The following WDR7 variants were observed in gnomAD, a reference collection of about 807,000 sequenced individuals.
The protein encoded by WDR7 is WD repeat-containing protein 7.
A neutral mutation model predicts 169.4 loss-of-function variants in WDR7; 46 were observed. The ratio of observed to expected loss-of-function variants is 0.27; its 90% CI spans 0.21 to 0.35. The LOEUF (loss-of-function observed/expected upper bound fraction) is 0.35, where lower values mean the gene tolerates loss of function less well. WDR7 is among the 10% of genes least tolerant of loss of function. The pLI is 1.00. For synonymous variants in WDR7, 612 were observed against 666.8 expected, an observed-to-expected ratio of 0.92 and a Z score of 1.27; for missense variants, 1,534 against 1,859.3, an observed-to-expected ratio of 0.83 and a Z score of 3.22.
chr18:56,772,046 G>C (rs544154656), intron 16 of WDR7, among the ~76,000 whole-genome samples: 2 of 99,826 alleles, frequency 2.0e-5, no homozygotes, highest in East Asian at 6.8e-4. Flanking sequence ...GGGTGACAGA[G>C]CAAGACCCTG....
At chr18:56,860,389 T>A (rs2045786008) in intron 20 of WDR7, among the ~76,000 whole-genome samples, 1 of 152,120 alleles carries the variant, frequency 6.6e-6, no homozygotes, top group Non-Finnish European at 1.5e-5. Context: ...AGCAAAATGG[T>A]TCAGTTTTAC....
Position 56,880,063 on chromosome 18 carries a change from G to C in WDR7, c.3424G>C (p.Glu1142Gln). Residue 1142 changes from glutamate to glutamine, a missense_variant, in exon 21 of 28, where the codon GAA (glutamate) becomes CAA (glutamine). Physicochemically the swap from Glu to Gln is conservative, Grantham distance 29. Transcript: ENST00000254442. ...AGGAGCTGAATTTGGTGCTGAAATT[G>C]AACCTCCTAAACTATTGACCAGACC... Reference protein sequence around the residue: ...VIGAEFGAEIEPPKLLTRPRS... With the variant: ...VIGAEFGAEIQPPKLLTRPRS... 1 of 1,614,080 alleles carries C rather than the reference G, an allele frequency of 6.2e-7. No homozygotes were observed.
At chr18:57,011,596 G>A (rs1309716206) in intron 26 of WDR7, among the ~76,000 whole-genome samples, 1 of 152,176 alleles carries the variant, frequency 6.6e-6, no homozygotes, top group Non-Finnish European at 1.5e-5. Context: ...AAAACAGGTT[G>A]ACTTTATAAC....
At chr18:56,989,033 T>C (rs2145851830) in intron 26 of WDR7, among the ~76,000 whole-genome samples, 1 of 151,882 alleles carries the variant, frequency 6.6e-6, no homozygotes, top group East Asian at 1.9e-4. Context: ...GAGAAAAAGA[T>C]GCCACCTTTT....
At chr18:56,985,858 T>G (rs568472534) in intron 26 of WDR7, among the ~76,000 whole-genome samples, 3 of 152,154 alleles carry the variant, frequency 2.0e-5, no homozygotes, top group Non-Finnish European at 2.9e-5. Context: ...GAATAAAATG[T>G]ACATGTTTCT....
chr18:56,779,371 T>C, intron 17 of WDR7, 60 bp from the exon 18 acceptor site: 1 of 1,349,864 alleles, frequency 7.4e-7, no homozygotes, highest in South Asian at 1.4e-5. Context: ...CATAAAGAAC[T>C]GTTGACTTAG....
intron 19 of WDR7, among the ~76,000 whole-genome samples, chr18:56,799,400 G>T (rs1402340330): frequency 6.7e-6 from 1 of 149,634 alleles, no homozygotes; most frequent in Admixed American, 6.6e-5. Flanking sequence ...CATATTTGTG[G>T]CTTTTATATC....
intron 21 of WDR7, among the ~76,000 whole-genome samples, chr18:56,920,503 T>C (rs1283911793): frequency 6.6e-6 from 1 of 152,198 alleles, no homozygotes; most frequent in African/African-American, 2.4e-5. Context: ...AGGTATTACA[T>C]GAATCTTTGA....
intron 26 of WDR7, among the ~76,000 whole-genome samples, chr18:57,006,254 A>G (rs1224503552): frequency 6.6e-6 from 1 of 152,172 alleles, no homozygotes; most frequent in Non-Finnish European, 1.5e-5. Context: ...CTGTGTTATA[A>G]ACAGAGAGCA....
chr18:56,880,767 A>G (rs1054766462), intron 21 of WDR7, among the ~76,000 whole-genome samples: 1 of 152,216 alleles, frequency 6.6e-6, no homozygotes, highest in Non-Finnish European at 1.5e-5. Context: ...AGACTATAAC[A>G]ATCAAAATTC....
At chr18:56,804,917 A>C (rs1254334695) in intron 19 of WDR7, among the ~76,000 whole-genome samples, 1 of 152,140 alleles carries the variant, frequency 6.6e-6, no homozygotes, top group Non-Finnish European at 1.5e-5. Context: ...CGTAGCGTCA[A>C]ATTTCTGATG....
chr18:56,769,642 A>G (rs918054599), intron 16 of WDR7, among the ~76,000 whole-genome samples: 3 of 152,204 alleles, frequency 2.0e-5, no homozygotes, highest in African/African-American at 7.2e-5. Flanking sequence ...GAGGTGCCCA[A>G]GCAAGTTTAA....
intron 21 of WDR7, among the ~76,000 whole-genome samples, chr18:56,886,404 A>G (rs572139859): frequency 2.0e-5 from 3 of 152,350 alleles, no homozygotes; most frequent in Middle Eastern, 3.4e-3. Flanking sequence ...TGAAGGAAAG[A>G]TAAAGTCTTT....
At chr18:56,987,254 T>A (rs900303939) in intron 26 of WDR7, among the ~76,000 whole-genome samples, 9 of 131,380 alleles carry the variant, frequency 6.9e-5, no homozygotes, top group Non-Finnish European at 1.4e-4. Context: ...AATCATCAGG[T>A]ATTGCAAAGG....
At chr18:56,681,288 AG>A (rs1217809230) in intron 3 of WDR7, 24 bp from the exon 4 acceptor site, 1 of 1,515,796 alleles carries the variant, frequency 6.6e-7, no homozygotes, top group East Asian at 2.3e-5. Flanking sequence ...TCACACTCAA[AG>A]CTGACCATTA....
chr18:56,843,857 CT>C (rs776575088), intron 20 of WDR7, among the ~76,000 whole-genome samples: 39,699 of 134,092 alleles, frequency 0.3, 4,348 homozygotes, highest in African/African-American at 0.48. Flanking sequence ...TTTTTTCTTT[CT>C]TTTTTTTTTT....
chr18:56,969,740 T>A (rs2047457511), intron 26 of WDR7, among the ~76,000 whole-genome samples: 1 of 152,240 alleles, frequency 6.6e-6, no homozygotes, highest in Non-Finnish European at 1.5e-5. Flanking sequence ...TTATACCCCT[T>A]GTAAGTTACA....
chr18:56,777,705 G>A (rs1472964796), intron 17 of WDR7, among the ~76,000 whole-genome samples: 1 of 152,088 alleles, frequency 6.6e-6, no homozygotes, highest in Non-Finnish European at 1.5e-5. Flanking sequence ...TCATGAAAAA[G>A]CATTTTTCAA....
At chr18:56,845,406 T>C (rs956790514) in intron 20 of WDR7, among the ~76,000 whole-genome samples, 1 of 152,138 alleles carries the variant, frequency 6.6e-6, no homozygotes, top group Non-Finnish European at 1.5e-5. Context: ...TAAATATCTT[T>C]TCCACAGATT....
Sources: allele counts gnomAD v4.1 joint callset (sites outside exome capture counted in the v4.1 genomes callset), GRCh38; gene constraint gnomAD v4.1.1; transcripts MANE v1.5; gene names NCBI Gene and HGNC (gene_info 2026-07-23, HGNC 2026-07-21).